IQGAP1: variants seen among roughly 807,000 people sequenced by gnomAD.
The protein encoded by IQGAP1 is IQ motif containing GTPase activating protein 1.
In IQGAP1, 66 loss-of-function variants were observed where a neutral mutation model predicts 215.6. That is an observed-to-expected ratio of 0.31 (90% confidence interval 0.25 to 0.38). IQGAP1 has a LOEUF of 0.38. Ranked by LOEUF, IQGAP1 falls within the 10% of genes least tolerant of loss-of-function variation. The pLI is 1.00. For missense variants in IQGAP1, 1,712 were observed against 1,997.1 expected, an observed-to-expected ratio of 0.86 and a Z score of 2.72; for synonymous variants, 772 against 728.7, an observed-to-expected ratio of 1.06 and a Z score of -0.96.
At chr15:90,432,165 C>G (rs953675460) in intron 4 of IQGAP1, among the ~76,000 whole-genome samples, 1 of 152,090 alleles carries the variant, frequency 6.6e-6, no homozygotes, top group African/African-American at 2.4e-5. Flanking sequence ...TTTCTGTCAC[C>G]TAGAATTTTT....
At chr15:90,390,312 C>T (rs939083141) in intron 1 of IQGAP1, among the ~76,000 whole-genome samples, 9 of 152,226 alleles carry the variant, frequency 5.9e-5, no homozygotes, top group African/African-American at 1.2e-4. Flanking sequence ...TCAGTTTCTT[C>T]GTCTGTAAAA....
intron 4 of IQGAP1, chr15:90,429,902 C>A (rs556925783): frequency 1.0e-4 from 32 of 319,682 alleles, no homozygotes; most frequent in African/African-American, 5.4e-4. Flanking sequence ...TCTACTTTTA[C>A]TACATCAAAT....
chr15:90,479,955 C>T (rs1182674347), intron 26 of IQGAP1, among the ~76,000 whole-genome samples: 3 of 152,176 alleles, frequency 2.0e-5, no homozygotes. Context: ...GCCCCATGTA[C>T]ACTGGCTCCG....
intron 15 of IQGAP1, among the ~76,000 whole-genome samples, chr15:90,462,611 T>C (rs1965778874): frequency 6.6e-6 from 1 of 152,220 alleles, no homozygotes; most frequent in African/African-American, 2.4e-5. Flanking sequence ...TTAAAAAGTT[T>C]TGAGTGATGA....
At chr15:90,471,151 A>G (rs1261252853) in intron 18 of IQGAP1, among the ~76,000 whole-genome samples, 1 of 152,160 alleles carries the variant, frequency 6.6e-6, no homozygotes, top group Admixed American at 6.5e-5. Flanking sequence ...GGAAAAAACC[A>G]GAGGCTGCAA....
rs183366987 is a variant in IQGAP1 at position 90,442,615 on chromosome 15, G to T, written c.829-779G>T. Among the ~76,000 whole-genome samples, 50 of 152,258 alleles carry T rather than the reference G, an allele frequency of 3.3e-4. No individual in the cohort carries two copies. The East Asian group carries it at 9.1e-3, about 28-fold the overall frequency. On this transcript the variant is annotated intron_variant, in intron 8 of 37. Coordinates refer to ENST00000268182, the MANE Select transcript of IQGAP1 (RefSeq NM_003870.4). ...CAAACTGGCCTGCAGGCAAGTAGCTGCTGCCCTGCCTCTGCCTATGTCACC... is the reference window on the plus strand; with the variant it reads ...CAAACTGGCCTGCAGGCAAGTAGCTTCTGCCCTGCCTCTGCCTATGTCACC...
At chr15:90,464,947 G>A (rs1305337737) in intron 15 of IQGAP1, among the ~76,000 whole-genome samples, 2 of 151,926 alleles carry the variant, frequency 1.3e-5, no homozygotes, top group Admixed American at 6.6e-5. Context: ...ACCAATAAGC[G>A]CCTTTAAAAA....
intron 2 of IQGAP1, among the ~76,000 whole-genome samples, chr15:90,420,918 C>T (rs1048877044): frequency 3.3e-5 from 5 of 152,100 alleles, no homozygotes; most frequent in African/African-American, 9.7e-5. Context: ...TTTGGGAGGC[C>T]AAGGTGGGCG....
intron 15 of IQGAP1, among the ~76,000 whole-genome samples, chr15:90,461,922 G>A (rs1157695393): frequency 6.6e-6 from 1 of 150,926 alleles, no homozygotes; most frequent in Non-Finnish European, 1.5e-5. Context: ...GGTGGATCAC[G>A]AGGTCAGGAG....
At chr15:90,401,700 G>A (rs1488643513) in intron 2 of IQGAP1, among the ~76,000 whole-genome samples, 2 of 152,230 alleles carry the variant, frequency 1.3e-5, no homozygotes, top group Non-Finnish European at 2.9e-5. Context: ...AAAGCTCAGA[G>A]AGGTTAACTC....
At chr15:90,389,954 CAAAAA>C (rs5814431) in intron 1 of IQGAP1, among the ~76,000 whole-genome samples, 4 of 125,200 alleles carry the variant, frequency 3.2e-5, no homozygotes, top group Admixed American at 7.9e-5. Flanking sequence ...GACCCTGTCT[CAAAAA>C]AAAAAAAAAA....
intron 15 of IQGAP1, among the ~76,000 whole-genome samples, chr15:90,460,218 C>T (rs577689087): frequency 7.2e-5 from 11 of 152,146 alleles, no homozygotes; most frequent in Non-Finnish European, 1.3e-4. Flanking sequence ...CCCTGAGGGC[C>T]GCTGGTTGCC....
intron 2 of IQGAP1, among the ~76,000 whole-genome samples, chr15:90,406,466 G>A (rs2151005273): frequency 6.6e-6 from 1 of 152,210 alleles, no homozygotes; most frequent in East Asian, 1.9e-4. Flanking sequence ...CCCGGCCGGG[G>A]TTTGTTTTTG....
At chr15:90,416,194 C>T (rs553515195) in intron 2 of IQGAP1, among the ~76,000 whole-genome samples, 86 of 152,056 alleles carry the variant, frequency 5.7e-4, no homozygotes, top group Non-Finnish European at 1.0e-3. Flanking sequence ...CAACAGGCCC[C>T]AGTGTGTGAT....
chr15:90,392,292 A>T (rs1964646425), intron 2 of IQGAP1, among the ~76,000 whole-genome samples: 1 of 152,230 alleles, frequency 6.6e-6, no homozygotes, highest in Non-Finnish European at 1.5e-5. Flanking sequence ...ATAATAGAAG[A>T]TGACATAGCA....
At chr15:90,485,530 A>C (rs1286266856) in intron 30 of IQGAP1, among the ~76,000 whole-genome samples, 1 of 151,924 alleles carries the variant, frequency 6.6e-6, no homozygotes, top group Non-Finnish European at 1.5e-5. Context: ...ACCTCCACCT[A>C]CTGGGTTCAA....
chr15:90,425,617 A>G (rs188292464), intron 2 of IQGAP1, among the ~76,000 whole-genome samples: 6 of 152,228 alleles, frequency 3.9e-5, no homozygotes, highest in African/African-American at 1.4e-4. Context: ...TTTAGCTGAA[A>G]TAATTGAGTC....
chr15:90,426,146 C>T lies in IQGAP1; in HGVS notation c.192C>T (p.Pro64=), dbSNP rs759758468. ...CATGCCTAGGGGAAGATCTGCCTCC[C>T]ACCACAGAACTGGAGGAGGGGCTTA... ...MEACLGEDLP[P]TTELEEGLRN... Residue 64 remains proline (P), a synonymous_variant, in exon 3 of 38, where the codon CCC becomes CCT. Transcript: ENST00000268182. 3.1e-6 allele frequency: 5 copies of T among 1,605,070 alleles called. No homozygotes were observed. Among genetic ancestry groups the T allele is most frequent in the African/African-American group, 1.4e-5 (1 of 73,988 alleles).
intron 31 of IQGAP1, 152 bp downstream of exon 31, chr15:90,486,284 A>AAAC (rs1344497304): frequency 1.8e-5 from 10 of 553,464 alleles, no homozygotes; most frequent in East Asian, 1.2e-4. Context: ...ATAAGAGAGA[A>AAAC]AACAACAACA....
Sources: allele counts gnomAD v4.1 joint callset (sites outside exome capture counted in the v4.1 genomes callset), GRCh38; gene constraint gnomAD v4.1.1; transcripts MANE v1.5; gene names NCBI Gene and HGNC (gene_info 2026-07-23, HGNC 2026-07-21).